Variants in SAMMSON observed in about 807,000 individuals in gnomAD.
The protein encoded by SAMMSON is survival associated mitochondrial melanoma specific oncogenic non-coding RNA.
chr3:70,280,235 C>G (rs1028684069), intron 6 of SAMMSON, among the ~76,000 whole-genome samples: 1 of 152,106 alleles, frequency 6.6e-6, no homozygotes, highest in African/African-American at 2.4e-5. Context: ...TCCTCCTCTC[C>G]CTTAAAAAGA....
chr3:70,347,369 C>T (rs1575630716), intron 7 of SAMMSON, among the ~76,000 whole-genome samples: 1 of 152,196 alleles, frequency 6.6e-6, no homozygotes, highest in South Asian at 2.1e-4. Flanking sequence ...AAACTTGGCT[C>T]TTGGCTTTTG....
At chr3:70,093,987 A>G (rs958165365) in intron 4 of SAMMSON, among the ~76,000 whole-genome samples, 1 of 152,138 alleles carries the variant, frequency 6.6e-6, no homozygotes, top group African/African-American at 2.4e-5. Context: ...TTTGTGATAT[A>G]TGGGGAACCA....
At chr3:70,222,860 C>T (rs1701473166) in intron 4 of SAMMSON, among the ~76,000 whole-genome samples, 2 of 152,160 alleles carry the variant, frequency 1.3e-5, no homozygotes, top group Admixed American at 6.6e-5. Flanking sequence ...TAAAGGAATG[C>T]TATTTGCTAT....
At position 70,281,487 on chromosome 3, in the gene SAMMSON, G is replaced by C. The variant is rs1575614390; in HGVS notation, n.675-9692G>C. ...CTTAGTTTCTTGGGTTCTCTGACATGCATTTTCCTTAAAGTCTCTTTAATA... is the reference window on the plus strand; with the variant it reads ...CTTAGTTTCTTGGGTTCTCTGACATCCATTTTCCTTAAAGTCTCTTTAATA... On this transcript the variant is annotated intron_variant and non_coding_transcript_variant, in intron 6 of 9. Transcript: ENST00000642114. Among the ~76,000 whole-genome samples, 4 of 152,154 alleles carry C rather than the reference G, an allele frequency of 2.6e-5. No homozygotes were observed. The South Asian group carries it at 8.3e-4, about 31-fold the overall frequency.
At chr3:70,368,459 T>A (rs9834236) in intron 9 of SAMMSON, among the ~76,000 whole-genome samples, 79,441 of 151,332 alleles carry the variant, frequency 0.52, 21,165 homozygotes, top group East Asian at 0.6. Flanking sequence ...AGATGGTCTT[T>A]ATTTGCCATC....
intron 4 of SAMMSON, chr3:70,125,553 C>G (rs2067454460): frequency 1.4e-6 from 1 of 696,044 alleles, no homozygotes; most frequent in Non-Finnish European, 2.6e-6. Context: ...CTGGATGCAT[C>G]AGCTTCAGTA....
At chr3:70,060,655 C>T (rs1427668186) in intron 3 of SAMMSON, among the ~76,000 whole-genome samples, 1 of 152,070 alleles carries the variant, frequency 6.6e-6, no homozygotes, top group Non-Finnish European at 1.5e-5. Flanking sequence ...ATGCTACTGG[C>T]ATCTGGTAGG....
chr3:70,058,250 G>T (rs2067175015), intron 3 of SAMMSON, among the ~76,000 whole-genome samples: 1 of 151,948 alleles, frequency 6.6e-6, no homozygotes, highest in African/African-American at 2.4e-5. Context: ...GAATGCAAAA[G>T]GATCCTGCCA....
rs58756438 is a variant in SAMMSON at position 70,042,463 on chromosome 3, G to T, written n.417+28791G>T. Among the ~76,000 whole-genome samples the T allele has an allele frequency of 4.9e-3, 752 of 152,010 alleles. 8 individuals are homozygous for T. The highest frequency in any genetic ancestry group is 0.016 in the African/African-American group (663 of 41,504). Reference sequence around the variant, plus strand: ...AAACAGAATTCAAGCATGTTTTTTTGTTGTTGTTGTTGTTTTTACTTTTTA... The same window carrying T: ...AAACAGAATTCAAGCATGTTTTTTTTTTGTTGTTGTTGTTTTTACTTTTTA... On this transcript the variant is annotated intron_variant and non_coding_transcript_variant, in intron 3 of 9. Coordinates refer to ENST00000642114, the Ensembl canonical transcript of SAMMSON.
At chr3:70,106,507 T>A (rs971436051) in intron 4 of SAMMSON, among the ~76,000 whole-genome samples, 2 of 31,464 alleles carry the variant, frequency 6.4e-5, no homozygotes, top group African/African-American at 3.9e-4. Context: ...TGCCTGGCTA[T>A]TTTTTTTTTT....
chr3:70,048,725 C>G (rs1328753602), intron 3 of SAMMSON, among the ~76,000 whole-genome samples: 1 of 152,100 alleles, frequency 6.6e-6, no homozygotes, highest in African/African-American at 2.4e-5. Context: ...GTGTCAGACA[C>G]TATTCTAATC....
At chr3:70,079,998 G>A (rs1218436728) in intron 4 of SAMMSON, among the ~76,000 whole-genome samples, 5 of 152,180 alleles carry the variant, frequency 3.3e-5, no homozygotes, top group Admixed American at 2.0e-4. Flanking sequence ...TTATGCTCCC[G>A]AATGCCTCTC....
At chr3:70,113,360 A>C (rs1412264750) in intron 4 of SAMMSON, among the ~76,000 whole-genome samples, 2 of 152,196 alleles carry the variant, frequency 1.3e-5, no homozygotes, top group African/African-American at 2.4e-5. Context: ...AGCCAGAGTA[A>C]ATAATGGGCT....
intron 4 of SAMMSON, among the ~76,000 whole-genome samples, chr3:70,138,490 C>T (rs2067515082): frequency 6.6e-6 from 1 of 152,160 alleles, no homozygotes; most frequent in Non-Finnish European, 1.5e-5. Flanking sequence ...GGGCTTTGCT[C>T]TTATGTCCTA....
chr3:70,069,739 A>C (rs753646114), intron 3 of SAMMSON: 1 of 152,142 alleles, frequency 6.6e-6, no homozygotes, highest in Admixed American at 6.6e-5. Context: ...TTCACAGATG[A>C]GCAAACTGAG....
chr3:70,253,035 A>G (rs73119961), intron 6 of SAMMSON, among the ~76,000 whole-genome samples: 1 of 152,102 alleles, frequency 6.6e-6, no homozygotes, highest in East Asian at 1.9e-4. Context: ...AGCTGAGATC[A>G]CACCATTGTA....
chr3:70,088,523 G>C (rs1207363274), intron 4 of SAMMSON, among the ~76,000 whole-genome samples: 1 of 152,168 alleles, frequency 6.6e-6, no homozygotes, highest in Non-Finnish European at 1.5e-5. Flanking sequence ...ATATGGATAA[G>C]AGAAAAATGA....
intron 6 of SAMMSON, among the ~76,000 whole-genome samples, chr3:70,275,072 G>C (rs1035927015): frequency 2.0e-5 from 3 of 152,138 alleles, no homozygotes; most frequent in African/African-American, 7.2e-5. Flanking sequence ...TAAGCCTGCA[G>C]CTGTTATTTA....
chr3:70,259,606 G>A (rs1701847086), intron 6 of SAMMSON, among the ~76,000 whole-genome samples: 1 of 152,002 alleles, frequency 6.6e-6, no homozygotes, highest in African/African-American at 2.4e-5. Flanking sequence ...TTCACTTTCT[G>A]CTTTCTTTTA....
Sources: gnomAD v4.1 joint callset for allele counts (sites outside exome capture counted in the v4.1 genomes callset) on GRCh38, gnomAD v4.1.1 for gene constraint, MANE v1.5 for transcripts, NCBI Gene and HGNC (gene_info 2026-07-23, HGNC 2026-07-21) for gene names.